CDKAL1: variants seen among roughly 807,000 people sequenced by gnomAD.
CDKAL1 encodes the protein threonylcarbamoyladenosine tRNA methylthiotransferase.
CDKAL1 carries 32 observed loss-of-function variants against 68.2 expected under a neutral mutation model. The observed-to-expected ratio is 0.47, with a 90% confidence interval of 0.35 to 0.63. The LOEUF is 0.63. Ranked by LOEUF, CDKAL1 falls within the 30% of genes least tolerant of loss-of-function variation. The probability of loss-of-function intolerance (pLI) is 0.00; values close to 1 mark genes in which losing one functional copy is unlikely to be tolerated. For synonymous variants in CDKAL1, 234 were observed against 244.3 expected (o/e 0.96, Z 0.39); for missense variants, 606 against 696.7 (o/e 0.87, Z 1.47).
At chr6:21,027,534 T>C (rs1353292396) in intron 11 of CDKAL1, among the ~76,000 whole-genome samples, 1 of 152,204 alleles carries the variant, frequency 6.6e-6, no homozygotes, top group Non-Finnish European at 1.5e-5. Context: ...AAGAGAGAGA[T>C]TTAAGTGATC....
In CDKAL1 at chr6:20,602,086, A is replaced by G. The variant is rs117500885; in HGVS notation, c.287-47207A>G. On this transcript the variant is annotated intron_variant, in intron 4 of 15. Transcript: ENST00000274695. The stretch of plus-strand genomic sequence containing the variant: ...TGCAAAGAGCTTCATGGGTACTTAC[A>G]TGTAATCTCCACAGAGTTCTCTGAG... Among the ~76,000 whole-genome samples, 14 of 152,358 alleles carry G rather than the reference A, an allele frequency of 9.2e-5. No individual in the cohort carries two copies. In the East Asian group the frequency reaches 2.7e-3, roughly 29 times the overall value.
At chr6:21,205,396 G>T (rs1443000984) in intron 15 of CDKAL1, among the ~76,000 whole-genome samples, 2 of 152,198 alleles carry the variant, frequency 1.3e-5, no homozygotes, top group Non-Finnish European at 2.9e-5. Flanking sequence ...CATGGCAGCG[G>T]TACCATTTTA....
chr6:21,033,285 G>C (rs1280665124), intron 11 of CDKAL1, among the ~76,000 whole-genome samples: 6 of 152,152 alleles, frequency 3.9e-5, no homozygotes, highest in Non-Finnish European at 7.4e-5. Flanking sequence ...GATGAGATCA[G>C]CACTGGCAAT....
chr6:20,621,582 C>T (rs888407618), intron 4 of CDKAL1, among the ~76,000 whole-genome samples: 1 of 152,046 alleles, frequency 6.6e-6, no homozygotes, highest in Non-Finnish European at 1.5e-5. Context: ...TGTGTCTTCT[C>T]CTGCATTTAT....
Position 20,534,476 on chromosome 6 carries a change from T to A in CDKAL1, c.-148T>A, listed in dbSNP as rs1337482610. 1 of 152,770 alleles carries A rather than the reference T, an allele frequency of 6.5e-6. No homozygotes were observed. Among genetic ancestry groups the A allele is most frequent in the East Asian group, 1.9e-4 (1 of 5,340 alleles). The allele number at this position is 152,770 out of a possible 1,614,324, so 9.5% of individuals were successfully genotyped here. A position where few individuals can be genotyped will look rare whatever the true frequency, so the allele number is the denominator to read the frequency against. ...ATGCGCAAATAAACGTGGCGGGACG[T>A]ATGTGTCATGGCGCTCTCCATCTAA... On this transcript the variant is annotated 5_prime_UTR_variant, in exon 1 of 16. Transcript: ENST00000274695.
chr6:20,811,239 C>A (rs1776802553), intron 8 of CDKAL1, among the ~76,000 whole-genome samples: 1 of 152,194 alleles, frequency 6.6e-6, no homozygotes, highest in Non-Finnish European at 1.5e-5. Context: ...GGCCCAAGGC[C>A]TGTGTACCAT....
chr6:20,956,956 A>AT (rs1164723828), intron 10 of CDKAL1, among the ~76,000 whole-genome samples: 11 of 146,614 alleles, frequency 7.5e-5, no homozygotes, highest in African/African-American at 2.8e-4. Context: ...AGGCATGTCA[A>AT]CTTTTACTTA....
intron 5 of CDKAL1, among the ~76,000 whole-genome samples, chr6:20,658,034 C>G (rs1406020834): frequency 6.6e-6 from 1 of 151,958 alleles, no homozygotes; most frequent in Non-Finnish European, 1.5e-5. Flanking sequence ...TAAAAAAGAT[C>G]AAAAGTTTCA....
intron 13 of CDKAL1, among the ~76,000 whole-genome samples, chr6:21,131,568 A>G (rs979708364): frequency 6.6e-6 from 1 of 152,194 alleles, no homozygotes; most frequent in Non-Finnish European, 1.5e-5. Flanking sequence ...GATGCAAACT[A>G]CCCATTATCC....
At chr6:20,878,194 C>A (rs557824203) in intron 9 of CDKAL1, among the ~76,000 whole-genome samples, 1 of 152,052 alleles carries the variant, frequency 6.6e-6, no homozygotes, top group Non-Finnish European at 1.5e-5. Context: ...TATCTGTATA[C>A]CATTAAGTGT....
intron 11 of CDKAL1, among the ~76,000 whole-genome samples, chr6:21,037,821 T>G (rs1017082399): frequency 2.2e-4 from 33 of 152,326 alleles, no homozygotes; most frequent in African/African-American, 7.7e-4. Flanking sequence ...TTTACTTAAT[T>G]TTGTTAAATG....
chr6:20,571,793 A>G (rs1764712859), intron 4 of CDKAL1, among the ~76,000 whole-genome samples: 1 of 152,048 alleles, frequency 6.6e-6, no homozygotes, highest in African/African-American at 2.4e-5. Flanking sequence ...TAAAAAATGC[A>G]TTTGAGCTTC....
intron 2 of CDKAL1, among the ~76,000 whole-genome samples, chr6:20,538,230 C>CTT (rs551140905): frequency 1.4e-5 from 2 of 143,906 alleles, no homozygotes; most frequent in South Asian, 2.2e-4. Flanking sequence ...ATTCTTTCCT[C>CTT]TTTTTTTTTT....
At chr6:20,866,416 A>G (rs1409392747) in intron 9 of CDKAL1, among the ~76,000 whole-genome samples, 2 of 152,206 alleles carry the variant, frequency 1.3e-5, no homozygotes, top group African/African-American at 4.8e-5. Context: ...AAGAGCTAAT[A>G]TATCTGTCAA....
intron 9 of CDKAL1, among the ~76,000 whole-genome samples, chr6:20,877,891 C>G (rs1401179946): frequency 1.3e-5 from 2 of 152,142 alleles, no homozygotes; most frequent in East Asian, 1.9e-4. Context: ...AGCCTTAGCC[C>G]TAACCACCCC....
At chr6:20,919,875 A>G (rs978371372) in intron 9 of CDKAL1, among the ~76,000 whole-genome samples, 2 of 152,096 alleles carry the variant, frequency 1.3e-5, no homozygotes, top group Non-Finnish European at 1.5e-5. Flanking sequence ...CAACAAACCT[A>G]AGTTCTGAAA....
At chr6:20,629,557 G>T (rs9465842) in intron 4 of CDKAL1, among the ~76,000 whole-genome samples, 1 of 151,928 alleles carries the variant, frequency 6.6e-6, no homozygotes, top group South Asian at 2.1e-4. Flanking sequence ...CACCCTTTCT[G>T]GTTCTAACAC....
intron 8 of CDKAL1, among the ~76,000 whole-genome samples, chr6:20,809,466 C>G (rs1187475911): frequency 6.6e-6 from 1 of 152,104 alleles, no homozygotes; most frequent in African/African-American, 2.4e-5. Context: ...TTGTAACCAT[C>G]TGAGAGCAGA....
At chr6:21,197,149 C>T (rs1778505374) in intron 13 of CDKAL1, among the ~76,000 whole-genome samples, 1 of 150,518 alleles carries the variant, frequency 6.6e-6, no homozygotes, top group Non-Finnish European at 1.5e-5. Context: ...CAGAGTGAGA[C>T]TCTGTCTCAA....
Sources: gnomAD v4.1 joint callset for allele counts (sites outside exome capture counted in the v4.1 genomes callset) on GRCh38, gnomAD v4.1.1 for gene constraint, MANE v1.5 for transcripts, NCBI Gene and HGNC (gene_info 2026-07-23, HGNC 2026-07-21) for gene names.